The following COL25A1 variants were observed in gnomAD, a reference collection of about 807,000 sequenced individuals.
COL25A1 encodes collagen alpha-1(XXV) chain.
Under a neutral mutation model 128.4 loss-of-function variants are expected in COL25A1, and 103 were observed. The ratio of observed to expected loss-of-function variants is 0.80; its 90% CI spans 0.68 to 0.94. COL25A1 has a LOEUF of 0.94. Among genes scored for constraint, COL25A1 ranks in the 40% least tolerant of loss-of-function variants. The probability of loss-of-function intolerance (pLI) is 0.00; values close to 1 mark genes in which losing one functional copy is unlikely to be tolerated. For missense variants in COL25A1, 745 were observed against 840.0 expected (o/e 0.89, Z 1.40); for synonymous variants, 279 against 277.2 (o/e 1.01, Z -0.06).
intron 3 of COL25A1, among the ~76,000 whole-genome samples, chr4:109,104,718 A>G (rs1327516237): frequency 2.0e-5 from 3 of 152,154 alleles, no homozygotes; most frequent in Non-Finnish European, 4.4e-5. Flanking sequence ...TTCTTCAACA[A>G]CAGAAAAAAA....
At chr4:109,218,356 GGTTTT>G (rs1368405450) in intron 3 of COL25A1, among the ~76,000 whole-genome samples, 4 of 100,476 alleles carry the variant, frequency 4.0e-5, no homozygotes, top group South Asian at 7.3e-4. Context: ...GGTTTTTTGG[GGTTTT>G]TTTTTTTTTT....
intron 3 of COL25A1, among the ~76,000 whole-genome samples, chr4:109,068,096 TC>T (rs1762611385): frequency 6.6e-6 from 1 of 152,160 alleles, no homozygotes; most frequent in Non-Finnish European, 1.5e-5. Flanking sequence ...GTGCATATCT[TC>T]AGTAGCTTGG....
intron 3 of COL25A1, among the ~76,000 whole-genome samples, chr4:109,183,107 T>C (rs1263929999): frequency 6.6e-6 from 1 of 152,112 alleles, no homozygotes; most frequent in African/African-American, 2.4e-5. Flanking sequence ...GTATTAGCCA[T>C]ATATGACATT....
At chr4:109,111,409 C>T (rs945052664) in intron 3 of COL25A1, among the ~76,000 whole-genome samples, 1 of 152,204 alleles carries the variant, frequency 6.6e-6, no homozygotes, top group Non-Finnish European at 1.5e-5. Flanking sequence ...GGATTCTTTG[C>T]TTTACAAATT....
At chr4:109,277,271 T>C (rs1436470166) in intron 3 of COL25A1, among the ~76,000 whole-genome samples, 2 of 152,314 alleles carry the variant, frequency 1.3e-5, no homozygotes, top group South Asian at 2.1e-4. Context: ...GTTTCCTCAA[T>C]GACCAGGTAT....
intron 6 of COL25A1, among the ~76,000 whole-genome samples, chr4:109,005,091 T>C (rs1244571302): frequency 2.0e-5 from 3 of 152,168 alleles, no homozygotes; most frequent in African/African-American, 7.2e-5. Flanking sequence ...TGGCTCACAA[T>C]TCTGCAGGCT....
intron 11 of COL25A1, among the ~76,000 whole-genome samples, 163 bp from the exon 12 acceptor site, chr4:108,920,767 A>G (rs1030512361): frequency 5.9e-5 from 9 of 152,180 alleles, no homozygotes; most frequent in African/African-American, 2.2e-4. Flanking sequence ...TGAAGTTCCA[A>G]GTGGATCTTT....
chr4:109,213,108 G>A, intron 3 of COL25A1, among the ~76,000 whole-genome samples: 1 of 152,066 alleles, frequency 6.6e-6, no homozygotes, highest in Non-Finnish European at 1.5e-5. Flanking sequence ...AACAGAAAAA[G>A]ACTAAAAAAG....
rs144069201 is a variant in COL25A1 at position 109,047,834 on chromosome 4, G to A, written c.420+334C>T. 6.3e-3 allele frequency among the ~76,000 whole-genome samples: 925 copies of A among 146,308 alleles called. 34 individuals are homozygous for A. The East Asian group carries it at 0.11, about 17-fold the overall frequency. On this transcript the variant is annotated intron_variant, in intron 5 of 37. Coordinates refer to ENST00000399132, the MANE Select transcript of COL25A1 (RefSeq NM_198721.4). ...TGCAAGCTCCACCTCCCGGGTTCACGCCATTCTCCTGCCTCAGCCGCCCGA... is the reference window on the plus strand; with the variant it reads ...TGCAAGCTCCACCTCCCGGGTTCACACCATTCTCCTGCCTCAGCCGCCCGA...
intron 3 of COL25A1, among the ~76,000 whole-genome samples, chr4:109,145,501 A>C (rs911311153): frequency 6.6e-5 from 10 of 152,188 alleles, no homozygotes; most frequent in Admixed American, 2.6e-4. Flanking sequence ...TCCTTTTATA[A>C]TTTTTGACAA....
chr4:108,828,263 G>A (rs907022320), intron 32 of COL25A1, among the ~76,000 whole-genome samples: 1 of 151,998 alleles, frequency 6.6e-6, no homozygotes, highest in South Asian at 2.1e-4. Context: ...TCAGCCTCCC[G>A]AGTAGCTGGG....
At chr4:108,898,275 GT>G (rs1051093732) in intron 15 of COL25A1, among the ~76,000 whole-genome samples, 2 of 151,560 alleles carry the variant, frequency 1.3e-5, no homozygotes, top group African/African-American at 2.4e-5. Context: ...TAAATAAATG[GT>G]TTTTTTTCTT....
intron 3 of COL25A1, among the ~76,000 whole-genome samples, chr4:109,067,370 C>T (rs868691950): frequency 4.6e-5 from 7 of 152,060 alleles, no homozygotes; most frequent in East Asian, 1.9e-4. Context: ...CATTGAGCAC[C>T]GGGGTCCCCT....
At chr4:109,189,651 C>T (rs1044574180) in intron 3 of COL25A1, among the ~76,000 whole-genome samples, 1 of 151,674 alleles carries the variant, frequency 6.6e-6, no homozygotes, top group African/African-American at 2.4e-5. Flanking sequence ...TTGTGATTAT[C>T]CATTTCACAA....
At chr4:108,961,709 G>A (rs1319271006) in intron 8 of COL25A1, among the ~76,000 whole-genome samples, 1 of 151,954 alleles carries the variant, frequency 6.6e-6, no homozygotes, top group Non-Finnish European at 1.5e-5. Flanking sequence ...TACCTCACCA[G>A]TGGAAGAATT....
At chr4:108,875,598 T>A (rs1327349625) in intron 19 of COL25A1, among the ~76,000 whole-genome samples, 1 of 152,198 alleles carries the variant, frequency 6.6e-6, no homozygotes, top group Non-Finnish European at 1.5e-5. Context: ...ATAGGAATGC[T>A]TTTACACTGT....
chr4:109,251,845 T>C (rs547869947), intron 3 of COL25A1, among the ~76,000 whole-genome samples: 1 of 152,184 alleles, frequency 6.6e-6, no homozygotes, highest in Non-Finnish European at 1.5e-5. Context: ...TAGCACCATA[T>C]ATTTAACACT....
intron 11 of COL25A1, among the ~76,000 whole-genome samples, chr4:108,921,940 G>A (rs963411679): frequency 1.3e-5 from 2 of 152,060 alleles, no homozygotes; most frequent in South Asian, 2.1e-4. Flanking sequence ...AGACTATCAG[G>A]TGTAAATTCC....
intron 3 of COL25A1, among the ~76,000 whole-genome samples, chr4:109,155,414 G>A (rs1199557509): frequency 6.6e-6 from 1 of 152,130 alleles, no homozygotes; most frequent in Non-Finnish European, 1.5e-5. Context: ...GACACCGTAA[G>A]GTACTTAAAT....
Sources: gnomAD v4.1 joint callset for allele counts (sites outside exome capture counted in the v4.1 genomes callset) on GRCh38, gnomAD v4.1.1 for gene constraint, MANE v1.5 for transcripts, NCBI Gene and HGNC (gene_info 2026-07-23, HGNC 2026-07-21) for gene names.